The following E2F3 variants were observed in gnomAD, a reference collection of about 807,000 sequenced individuals.
The protein encoded by E2F3 is E2F transcription factor 3.
Under a neutral mutation model 44.4 loss-of-function variants are expected in E2F3, and 11 were observed. The ratio of observed to expected loss-of-function variants is 0.25; its 90% CI spans 0.16 to 0.41. The LOEUF (loss-of-function observed/expected upper bound fraction) is 0.41. Ranked by LOEUF, E2F3 falls within the 10% of genes least tolerant of loss-of-function variation. The pLI, the probability that E2F3 is intolerant of heterozygous loss-of-function variation, is 1.00. For missense variants in E2F3, 487 were observed against 583.6 expected (o/e 0.83, Z 1.70); for synonymous variants, 249 against 253.0 (o/e 0.98, Z 0.15).
intron 1 of E2F3, among the ~76,000 whole-genome samples, chr6:20,423,136 A>G (rs530789122): frequency 6.6e-6 from 1 of 152,274 alleles, no homozygotes; most frequent in East Asian, 1.9e-4. Flanking sequence ...TTATAATGTC[A>G]TGTGTCACTT....
chr6:20,480,844 T>G (rs1762199701), intron 2 of E2F3, among the ~76,000 whole-genome samples: 1 of 152,198 alleles, frequency 6.6e-6, no homozygotes. Flanking sequence ...AGGCCTCGTG[T>G]GTGCTGGTCC....
intron 1 of E2F3, among the ~76,000 whole-genome samples, chr6:20,405,800 C>A (rs1244808138): frequency 6.6e-6 from 1 of 151,834 alleles, no homozygotes; most frequent in Non-Finnish European, 1.5e-5. Flanking sequence ...TCTAGCCTGG[C>A]GGCAGAGCGA....
chr6:20,460,420 T>A (rs918220988), intron 1 of E2F3, among the ~76,000 whole-genome samples: 3 of 152,204 alleles, frequency 2.0e-5, no homozygotes, highest in Non-Finnish European at 4.4e-5. Flanking sequence ...CCATGCCTTA[T>A]CTACAGTTCT....
intron 1 of E2F3, chr6:20,403,651 T>A (rs1759386350): frequency 1.9e-6 from 1 of 527,476 alleles, no homozygotes. Context: ...CCTGGGACGG[T>A]CCCGGCGCCC....
intron 1 of E2F3, among the ~76,000 whole-genome samples, chr6:20,462,349 A>T (rs966514511): frequency 2.0e-5 from 3 of 151,674 alleles, no homozygotes; most frequent in Admixed American, 1.3e-4. Context: ...GCAGTGTCCC[A>T]TTTGTAATAT....
intron 1 of E2F3, among the ~76,000 whole-genome samples, chr6:20,411,367 T>A (rs1759666107): frequency 6.6e-6 from 1 of 152,082 alleles, no homozygotes; most frequent in Non-Finnish European, 1.5e-5. Context: ...CCAGAGGCAA[T>A]GGAACCTGCC....
In E2F3 at chr6:20,402,726, G is replaced by T; in HGVS notation, c.393+101G>T. Reference sequence around the variant, plus strand: ...GCGGGCCGCTCGGGGAGAGCACTGGGCCGAGCATCGTGGGCCTCGGGGGCT... The same window carrying T: ...GCGGGCCGCTCGGGGAGAGCACTGGTCCGAGCATCGTGGGCCTCGGGGGCT... On this transcript the variant is annotated intron_variant, in intron 1 of 6. Transcript: ENST00000346618. This position sits in a 1 kb window ranked among gnomAD's most constrained non-coding sequence, Gnocchi z 5.6. 1 of 1,255,840 alleles carries T rather than the reference G, an allele frequency of 8.0e-7. No individual in the cohort carries two copies. Among genetic ancestry groups the T allele is most frequent in the Non-Finnish European group, 1.0e-6 (1 of 1,002,558 alleles). The allele number at this position is 1,255,840 out of a possible 1,614,324, so 77.8% of individuals were successfully genotyped here.
intron 1 of E2F3, among the ~76,000 whole-genome samples, chr6:20,477,126 C>G (rs1298493691): frequency 6.6e-6 from 1 of 151,902 alleles, no homozygotes; most frequent in Admixed American, 6.6e-5. Flanking sequence ...AACTAATAGC[C>G]TGTTGTTTGG....
intron 1 of E2F3, among the ~76,000 whole-genome samples, chr6:20,431,509 CG>C (rs1760399486): frequency 6.6e-6 from 1 of 152,112 alleles, no homozygotes; most frequent in Admixed American, 6.5e-5. Flanking sequence ...ACCTGTGAGT[CG>C]GAGGGGGGTC....
chr6:20,419,847 C>T (rs1759967061), intron 1 of E2F3, among the ~76,000 whole-genome samples: 1 of 150,904 alleles, frequency 6.6e-6, no homozygotes, highest in Non-Finnish European at 1.5e-5. Flanking sequence ...ATTACAGGCG[C>T]AAGCTACTGT....
intron 1 of E2F3, among the ~76,000 whole-genome samples, chr6:20,453,432 GGAAA>G (rs386697768): frequency 0.028 from 4,273 of 151,860 alleles, 186 homozygotes; most frequent in African/African-American, 0.095. Flanking sequence ...TTTTTGTTTT[GGAAA>G]TAGGCTCTCA....
At chr6:20,452,666 T>C (rs1761169721) in intron 1 of E2F3, among the ~76,000 whole-genome samples, 1 of 152,166 alleles carries the variant, frequency 6.6e-6, no homozygotes, top group Admixed American at 6.5e-5. Flanking sequence ...AGGCCATTTG[T>C]TGGCCAGGTG....
intron 1 of E2F3, among the ~76,000 whole-genome samples, chr6:20,430,298 A>G (rs1561856941): frequency 6.6e-6 from 1 of 152,152 alleles, no homozygotes; most frequent in African/African-American, 2.4e-5. Flanking sequence ...AATGCTCTGT[A>G]TTTTTATTTG....
rs142751872 is a variant in E2F3, at chr6:20,420,357, A to G, written c.393+17732A>G. Among the ~76,000 whole-genome samples, 30 of 151,962 alleles carry G rather than the reference A, an allele frequency of 2.0e-4. No individual in the cohort carries two copies. In the East Asian group the frequency reaches 5.6e-3, roughly 28 times the overall value. ...GAGTAGCCTCTTTGAATTCTTTATC[A>G]TTTTTGTGCCCAAGGCTATTTATAG... On this transcript the variant is annotated intron_variant, in intron 1 of 6. Transcript: ENST00000346618.
intron 1 of E2F3, among the ~76,000 whole-genome samples, chr6:20,408,521 A>G: frequency 6.6e-6 from 1 of 152,250 alleles, no homozygotes; most frequent in East Asian, 1.9e-4. Flanking sequence ...TTTGTCTACA[A>G]TATAACTTTT....
intron 1 of E2F3, among the ~76,000 whole-genome samples, chr6:20,462,232 G>T (rs754955232): frequency 2.0e-5 from 3 of 152,108 alleles, no homozygotes; most frequent in African/African-American, 4.8e-5. Flanking sequence ...GCAGTCTCTT[G>T]TTTATACCTC....
Position 20,493,505 on chromosome 6 carries a change from A to G in E2F3, c.*3075A>G, listed in dbSNP as rs1762607906. On this transcript the variant is annotated 3_prime_UTR_variant, in exon 7 of 7. Transcript: ENST00000346618. Reference sequence around the variant, plus strand: ...ATTGGGAGTAGGCAAACTACTAATCAGTTTAGCTTTGTGTTGTATGCTAGT... The same window carrying G: ...ATTGGGAGTAGGCAAACTACTAATCGGTTTAGCTTTGTGTTGTATGCTAGT... 1 of 221,978 alleles carries G rather than the reference A, an allele frequency of 4.5e-6. No individual in the cohort carries two copies. The highest frequency in any genetic ancestry group is 9.0e-6 in the Non-Finnish European group (1 of 110,926). 13.8% of individuals were successfully genotyped at this position (221,978 alleles called of 1,614,324 possible).
In E2F3 at chr6:20,479,917, C is replaced by T; in HGVS notation, c.465C>T (p.Gly155=). ...YLSDGLKTPK[G]KGRAALRSPD... is the part of the protein sequence containing the mutation. ...CAGATGGTTTAAAAACCCCCAAGGG[C>T]AAAGGAAGAGCTGCACTACGAAGTC... The change falls in exon 2 of 7, where the codon GGC becomes GGT. Residue 155 remains glycine (G), a synonymous_variant. Transcript: ENST00000346618. 1.2e-6 allele frequency: 2 copies of T among 1,612,638 alleles called. No homozygotes were observed. The highest frequency in any genetic ancestry group is 1.7e-6 in the Non-Finnish European group (2 of 1,179,360).
intron 1 of E2F3, among the ~76,000 whole-genome samples, chr6:20,441,017 G>A (rs976880794): frequency 1.3e-5 from 2 of 152,296 alleles, no homozygotes; most frequent in Middle Eastern, 3.4e-3. Context: ...GAGGGCATCC[G>A]AAACACACAG....
Sources: gnomAD v4.1 joint callset for allele counts (sites outside exome capture counted in the v4.1 genomes callset) on GRCh38, gnomAD v4.1.1 for gene constraint, Gnocchi (gnomAD v3.1) non-coding constraint, MANE v1.5 for transcripts, NCBI Gene and HGNC (gene_info 2026-07-23, HGNC 2026-07-21) for gene names.